The following UPK1B variants were observed in gnomAD, a reference collection of about 807,000 sequenced individuals.
The protein encoded by UPK1B is uroplakin 1B, also known as uroplakin-1b.
Under a neutral mutation model 34.2 loss-of-function variants are expected in UPK1B, and 28 were observed. The ratio of observed to expected loss-of-function variants is 0.82; its 90% confidence interval spans 0.61 to 1.12. The LOEUF (loss-of-function observed/expected upper bound fraction) is 1.12, where lower values mean the gene tolerates loss of function less well. UPK1B is among the 50% of genes most tolerant of loss of function. The pLI is 0.00. For missense variants in UPK1B, 325 were observed against 320.9 expected, an observed-to-expected ratio of 1.01 and a Z score of -0.10; for synonymous variants, 81 against 110.4, an observed-to-expected ratio of 0.73 and a Z score of 1.67.
chr3:119,176,298 C>T (rs915380375), intron 1 of UPK1B, among the ~76,000 whole-genome samples: 2 of 152,190 alleles, frequency 1.3e-5, no homozygotes, highest in African/African-American at 4.8e-5. Context: ...AAAATGATCT[C>T]ATGCTTACTG....
chr3:119,194,754 C>G (rs529666484), intron 6 of UPK1B, among the ~76,000 whole-genome samples: 62 of 152,218 alleles, frequency 4.1e-4, no homozygotes, highest in African/African-American at 1.4e-3. Context: ...GGATGATGTG[C>G]AAAAAGAATG....
Position 119,194,192 on chromosome 3 carries a change from A to G in UPK1B, c.469-27A>G, listed in dbSNP as rs776556434. 3.1e-6 allele frequency: 5 copies of G among 1,610,336 alleles called. No individual in the cohort carries two copies. The South Asian group carries it at 3.3e-5, about 11-fold the overall frequency. On this transcript the variant is annotated intron_variant, in intron 5 of 7. Coordinates refer to ENST00000264234, the MANE Select transcript of UPK1B (RefSeq NM_006952.4). ...GGCTCTAGTAGGGACCACGAAAGAG[A>G]ATTTTGTATCTCTCATCTGCTGACA...
At chr3:119,179,666 C>A (rs1576865920) in intron 1 of UPK1B, among the ~76,000 whole-genome samples, 1 of 105,582 alleles carries the variant, frequency 9.5e-6, no homozygotes, top group South Asian at 3.3e-4. Context: ...CCTGCCACCA[C>A]GCCCGGCTAA....
At chr3:119,175,425 C>T (rs1319581674) in intron 1 of UPK1B, among the ~76,000 whole-genome samples, 3 of 152,126 alleles carry the variant, frequency 2.0e-5, no homozygotes, top group Non-Finnish European at 4.4e-5. Flanking sequence ...TGCCTGATAG[C>T]CATGCAGGCT....
chr3:119,191,172 C>T (rs2078042482), intron 5 of UPK1B, 68 bp downstream of exon 5: 1 of 1,527,556 alleles, frequency 6.5e-7, no homozygotes, highest in African/African-American at 1.4e-5. Context: ...ATACACATGA[C>T]TCAGTGGGAC....
chr3:119,186,148 C>A (rs1015329165), intron 1 of UPK1B, among the ~76,000 whole-genome samples: 1 of 152,222 alleles, frequency 6.6e-6, no homozygotes, highest in Non-Finnish European at 1.5e-5. Flanking sequence ...TGGCACACAC[C>A]TGGCAGAAGG....
chr3:119,196,481 G>A (rs951086926), intron 6 of UPK1B, among the ~76,000 whole-genome samples: 12 of 151,724 alleles, frequency 7.9e-5, no homozygotes, highest in African/African-American at 1.7e-4. Flanking sequence ...AGCAAGCACC[G>A]ACGTTTGATA....
chr3:119,204,223 A>C lies in UPK1B; in HGVS notation c.*256A>C. ...AGAATTTGAAAAATGCATAATAACT[A>C]CTTCCATCCCTGCTTATTTTTAATT... On this transcript the variant is annotated 3_prime_UTR_variant, in exon 8 of 8. Transcript: ENST00000264234. 2.2e-6 allele frequency: 1 copy of C among 448,456 alleles called. No homozygotes were observed. The highest frequency in any genetic ancestry group is 4.0e-6 in the Non-Finnish European group (1 of 253,010). 27.8% of individuals were successfully genotyped at this position (448,456 alleles called of 1,614,324 possible).
chr3:119,176,197 AT>A (rs553457837), intron 1 of UPK1B: 13 of 152,152 alleles, frequency 8.5e-5, no homozygotes, highest in African/African-American at 3.1e-4. Context: ...GTTAATTCAA[AT>A]TTCTCTAGCA....
intron 7 of UPK1B, among the ~76,000 whole-genome samples, chr3:119,203,340 CAAAAAAAAAAAAAA>C (rs55752613): frequency 3.8e-3 from 234 of 62,034 alleles, no homozygotes; most frequent in Admixed American, 7.0e-3. Flanking sequence ...AACTCCGTCT[CAAAAAAAAAAAAAA>C]AAAAAAAAAA....
chr3:119,191,032 CA>C lies in UPK1B; in HGVS notation c.397del (p.Ser133AlafsTer30), dbSNP rs1360741727. The stretch of plus-strand genomic sequence containing the variant: ...AGATGCTAGAGAGGTACCAAAACAA[CA>C]GCCCTCCAAACAATGATGACCAGTG... ...KQMLERYQNN[S>X]PPNNDDQWKN... On this transcript the variant is annotated frameshift_variant, in exon 5 of 8. Coordinates refer to ENST00000264234, the MANE Select transcript of UPK1B (RefSeq NM_006952.4). LOFTEE classifies it high-confidence loss of function. 1 of 1,613,984 alleles carries C rather than the reference CA, an allele frequency of 6.2e-7. No homozygotes were observed. The highest frequency in any genetic ancestry group is 8.5e-7 in the Non-Finnish European group (1 of 1,179,986).
Position 119,199,042 on chromosome 3 carries a change from T to G in UPK1B, c.649-15T>G, listed in dbSNP as rs1245614964. 1 of 1,614,002 alleles carries G rather than the reference T, an allele frequency of 6.2e-7. No individual in the cohort carries two copies. Among genetic ancestry groups the G allele is most frequent in the East Asian group, 2.2e-5 (1 of 44,882 alleles). On this transcript the variant is annotated splice_polypyrimidine_tract_variant and intron_variant, in intron 6 of 7. Transcript: ENST00000264234. ...GGTTCTTCTCACACTAATGTGGAAT[T>G]GCCCACTCCTTCAGGGCTGCTATGA...
At chr3:119,174,706 G>A (rs1363283391) in intron 1 of UPK1B, among the ~76,000 whole-genome samples, 1 of 152,112 alleles carries the variant, frequency 6.6e-6, no homozygotes, top group Non-Finnish European at 1.5e-5. Flanking sequence ...AACTCATTAG[G>A]TTTTATAGAT....
intron 5 of UPK1B, among the ~76,000 whole-genome samples, chr3:119,192,239 T>C (rs1342758453): frequency 6.6e-6 from 1 of 152,176 alleles, no homozygotes; most frequent in East Asian, 1.9e-4. Context: ...CTTTTTAACT[T>C]TTATCACCCC....
chr3:119,190,841 C>T, intron 4 of UPK1B, 141 bp from the exon 5 acceptor site: 1 of 1,186,796 alleles, frequency 8.4e-7, no homozygotes, highest in South Asian at 1.5e-5. Flanking sequence ...CCTCAGCCAG[C>T]TGTACTTGGT....
rs146467597 is a variant in UPK1B at position 119,196,609 on chromosome 3, G to A, written c.648+2211G>A. 2.1e-3 allele frequency among the ~76,000 whole-genome samples: 313 copies of A among 146,612 alleles called. 1 individual carries two copies. The highest frequency in any genetic ancestry group is 7.5e-3 in the African/African-American group (294 of 39,342). The stretch of plus-strand genomic sequence containing the variant: ...GGCTGGAGTGCAGTGGCGCTATCTC[G>A]GCTCACTGCAACCTCCACCTCCCAG... On this transcript the variant is annotated intron_variant, in intron 6 of 7. Transcript: ENST00000264234.
chr3:119,190,732 T>C (rs889144368), intron 4 of UPK1B, among the ~76,000 whole-genome samples: 1 of 152,166 alleles, frequency 6.6e-6, no homozygotes, highest in Admixed American at 6.5e-5. Context: ...CCATTCTCTG[T>C]TTTCCTAGCC....
intron 3 of UPK1B, among the ~76,000 whole-genome samples, chr3:119,189,324 G>A (rs896487585): frequency 1.3e-5 from 2 of 152,174 alleles, no homozygotes; most frequent in South Asian, 2.1e-4. Flanking sequence ...GGTCCTGCTC[G>A]GAGAGCCTCC....
chr3:119,199,096 G>A lies in UPK1B; in HGVS notation c.688G>A (p.Ala230Thr), dbSNP rs759632026. 3.0e-5 allele frequency: 48 copies of A among 1,614,120 alleles called. No individual in the cohort carries two copies. Among genetic ancestry groups the A allele is most frequent in the Non-Finnish European group, 3.8e-5 (45 of 1,179,998 alleles). ...GATCTCTGGTCCAATGAACCGACAC[G>A]CCTGGGGGGTTGCCTGGTTTGGATT... is the stretch of plus-strand genomic sequence containing the variant. ...ELISGPMNRHAWGVAWFGFAI... is the reference protein window; with the variant it reads ...ELISGPMNRHTWGVAWFGFAI... Residue 230 changes from alanine to threonine, a missense_variant, in exon 7 of 8, where the codon GCC becomes ACC. By Grantham distance (58) the Ala-to-Thr change is moderately conservative. Coordinates refer to ENST00000264234, the MANE Select transcript of UPK1B (RefSeq NM_006952.4).
Sources: allele counts gnomAD v4.1 joint callset (sites outside exome capture counted in the v4.1 genomes callset), GRCh38; gene constraint gnomAD v4.1.1; transcripts MANE v1.5; gene names NCBI Gene and HGNC (gene_info 2026-07-23, HGNC 2026-07-21).